Variants in MAPKAP1 observed in about 807,000 individuals in gnomAD.
The protein encoded by MAPKAP1 is target of rapamycin complex 2 subunit MAPKAP1.
In MAPKAP1, 20 loss-of-function variants were observed where a neutral mutation model predicts 65.7. That is an observed-to-expected ratio of 0.30 (90% CI 0.21 to 0.44). The LOEUF (loss-of-function observed/expected upper bound fraction) is 0.44. Ranked by LOEUF, MAPKAP1 falls within the 20% of genes least tolerant of loss-of-function variation. The pLI is 1.00. For synonymous variants in MAPKAP1, 222 were observed against 244.3 expected, an observed-to-expected ratio of 0.91 and a Z score of 0.85; for missense variants, 423 against 648.0, an observed-to-expected ratio of 0.65 and a Z score of 3.77.
chr9:125,559,332 A>G (rs1830825194), intron 6 of MAPKAP1: 1 of 217,872 alleles, frequency 4.6e-6, no homozygotes, highest in Non-Finnish European at 9.0e-6. Flanking sequence ...GTGCAAACCT[A>G]GAAGTTTTGC....
rs966053293 is a variant in MAPKAP1, at chr9:125,702,088, A to C, written c.-70+4883T>G. Among the ~76,000 whole-genome samples, 8 of 152,308 alleles carry C rather than the reference A, an allele frequency of 5.3e-5. No individual in the cohort carries two copies. In the East Asian group the frequency reaches 1.5e-3, roughly 29 times the overall value. On this transcript the variant is annotated intron_variant, in intron 1 of 11. Coordinates refer to ENST00000265960, the MANE Select transcript of MAPKAP1 (RefSeq NM_001006617.3). ...TTGATCAACATAATTTTTAATGGCAAATTTTTAAACTAAATACATTAAAAT... is the reference window on the plus strand; with the variant it reads ...TTGATCAACATAATTTTTAATGGCACATTTTTAAACTAAATACATTAAAAT...
intron 4 of MAPKAP1, among the ~76,000 whole-genome samples, chr9:125,590,097 T>G (rs1253017090): frequency 6.6e-6 from 1 of 152,202 alleles, no homozygotes; most frequent in African/African-American, 2.4e-5. Context: ...TTATTTCTGT[T>G]TATTCCTCTT....
chr9:125,545,377 A>C (rs998290627), intron 6 of MAPKAP1, among the ~76,000 whole-genome samples: 5 of 152,218 alleles, frequency 3.3e-5, no homozygotes, highest in African/African-American at 1.2e-4. Flanking sequence ...AACAAATGCC[A>C]GTCAACCACG....
chr9:125,591,362 G>T (rs1831958020), intron 4 of MAPKAP1, among the ~76,000 whole-genome samples: 1 of 152,184 alleles, frequency 6.6e-6, no homozygotes, highest in South Asian at 2.1e-4. Context: ...GGAGACTCCA[G>T]GAAACCCTGC....
rs142851780 is a variant in MAPKAP1 at position 125,595,402 on chromosome 9, T to A, written c.499-9675A>T. ...GAATTGAAATGTATGTATTTGAACA[T>A]GCTGATGAATTAAAACATTATCTAG... On this transcript the variant is annotated intron_variant, in intron 4 of 11. Transcript: ENST00000265960. This position sits in a 1 kb window ranked among gnomAD's most constrained non-coding sequence, Gnocchi z 4.0. 3.0e-6 allele frequency: 1 copy of A among 329,970 alleles called. No homozygotes were observed. Among genetic ancestry groups the A allele is most frequent in the Non-Finnish European group, 4.5e-6 (1 of 222,592 alleles). The allele number at this position is 329,970 out of a possible 1,614,324, so 20.4% of individuals were successfully genotyped here. A position where few individuals can be genotyped will look rare whatever the true frequency, so the allele number is the denominator to read the frequency against.
chr9:125,561,395 T>G (rs1214845198), intron 5 of MAPKAP1, among the ~76,000 whole-genome samples: 1 of 152,246 alleles, frequency 6.6e-6, no homozygotes, highest in Non-Finnish European at 1.5e-5. Flanking sequence ...TTAAAATTAA[T>G]GGAAACTGTA....
rs1833289864 is a variant in MAPKAP1, at chr9:125,631,788, C to T, written c.498+25863G>A. Among the ~76,000 whole-genome samples, 3 of 152,186 alleles carry T rather than the reference C, an allele frequency of 2.0e-5. No homozygotes were observed. The East Asian group carries it at 5.8e-4, about 29-fold the overall frequency. ...CAGCATCTCTCACCTCAGATGTTTA[C>T]ACCAGCACTTCACCTACCTAGAAGC... is the stretch of plus-strand genomic sequence containing the variant. On this transcript the variant is annotated intron_variant, in intron 4 of 11. Coordinates refer to ENST00000265960, the MANE Select transcript of MAPKAP1 (RefSeq NM_001006617.3).
intron 1 of MAPKAP1, among the ~76,000 whole-genome samples, chr9:125,675,088 C>G (rs1484269759): frequency 6.6e-6 from 1 of 152,098 alleles, no homozygotes; most frequent in Non-Finnish European, 1.5e-5. Flanking sequence ...TTTGTGGAAG[C>G]ATAGTATCAC....
chr9:125,529,177 G>GAAAAAAAAAAAAAAA (rs764136309), intron 7 of MAPKAP1, among the ~76,000 whole-genome samples: 1 of 99,722 alleles, frequency 1.0e-5, no homozygotes, highest in Non-Finnish European at 1.9e-5. Flanking sequence ...TCTATCTCAG[G>GAAAAAAAAAAAAAAA]AAAAAAAAAA....
chr9:125,531,829 T>C (rs1371956958), intron 7 of MAPKAP1, among the ~76,000 whole-genome samples: 1 of 152,202 alleles, frequency 6.6e-6, no homozygotes, highest in Middle Eastern at 3.2e-3. Flanking sequence ...GAGGAGACAT[T>C]ACTACATTCA....
intron 7 of MAPKAP1, among the ~76,000 whole-genome samples, chr9:125,509,437 G>A (rs961298877): frequency 6.6e-6 from 1 of 151,872 alleles, no homozygotes; most frequent in African/African-American, 2.4e-5. Flanking sequence ...ATAAATGAAG[G>A]CCACTTTTGT....
chr9:125,528,728 C>T (rs888963754), intron 7 of MAPKAP1, among the ~76,000 whole-genome samples: 3 of 150,234 alleles, frequency 2.0e-5, no homozygotes, highest in Admixed American at 1.3e-4. Flanking sequence ...ATGCCTGTGG[C>T]GCCAGCTACT....
chr9:125,587,229 T>A (rs909410269), intron 4 of MAPKAP1, among the ~76,000 whole-genome samples: 1 of 152,208 alleles, frequency 6.6e-6, no homozygotes, highest in African/African-American at 2.4e-5. Flanking sequence ...ACCAAAAGCA[T>A]AAATAACAAA....
At chr9:125,546,357 A>G (rs757341129) in intron 6 of MAPKAP1, among the ~76,000 whole-genome samples, 1 of 152,166 alleles carries the variant, frequency 6.6e-6, no homozygotes, top group Non-Finnish European at 1.5e-5. Flanking sequence ...ACGAATGCCA[A>G]CTTTGGATCT....
intron 1 of MAPKAP1, among the ~76,000 whole-genome samples, chr9:125,703,590 A>C (rs1030182033): frequency 6.6e-6 from 1 of 152,038 alleles, no homozygotes; most frequent in Non-Finnish European, 1.5e-5. Context: ...TGGCCAACAC[A>C]GCAAAACCCC....
chr9:125,484,220 G>A (rs1457278839), intron 9 of MAPKAP1, among the ~76,000 whole-genome samples: 1 of 152,182 alleles, frequency 6.6e-6, no homozygotes, highest in East Asian at 1.9e-4. Flanking sequence ...AGAGTCTCAA[G>A]TTAGTTCTAT....
intron 9 of MAPKAP1, among the ~76,000 whole-genome samples, chr9:125,478,448 C>T (rs1414956518): frequency 6.6e-6 from 1 of 152,198 alleles, no homozygotes; most frequent in Non-Finnish European, 1.5e-5. Context: ...CTGCCTCAGC[C>T]TCCTAAGTAG....
intron 1 of MAPKAP1, among the ~76,000 whole-genome samples, chr9:125,698,302 T>TATATATATATAAATATATATATATAA (rs1835476525): frequency 5.5e-4 from 12 of 21,858 alleles, no homozygotes; most frequent in Admixed American, 5.4e-3. Context: ...TATATATATA[T>TATATATATATAAATATATATATATAA]ATATATATAT....
chr9:125,610,601 T>C (rs1832570944), intron 4 of MAPKAP1, among the ~76,000 whole-genome samples: 1 of 152,120 alleles, frequency 6.6e-6, no homozygotes, highest in Non-Finnish European at 1.5e-5. Flanking sequence ...GACCTACATG[T>C]GAGAGTAAAT....
Sources: gnomAD v4.1 joint callset for allele counts (sites outside exome capture counted in the v4.1 genomes callset) on GRCh38, gnomAD v4.1.1 for gene constraint, Gnocchi (gnomAD v3.1) non-coding constraint, MANE v1.5 for transcripts, NCBI Gene and HGNC (gene_info 2026-07-23, HGNC 2026-07-21) for gene names.